CAMSAP2: variants seen among roughly 807,000 people sequenced by gnomAD.
CAMSAP2 encodes the protein calmodulin-regulated spectrin-associated protein 2.
Under a neutral mutation model 146.1 loss-of-function variants are expected in CAMSAP2, and 26 were observed. The observed-to-expected ratio is 0.18, with a 90% CI of 0.13 to 0.25. The LOEUF is 0.25. CAMSAP2 is among the 10% of genes least tolerant of loss of function. CAMSAP2 has a pLI of 1.00. For synonymous variants in CAMSAP2, 499 were observed against 596.6 expected, an observed-to-expected ratio of 0.84 and a Z score of 2.38; for missense variants, 1,381 against 1,759.3, an observed-to-expected ratio of 0.78 and a Z score of 3.85.
At chr1:200,769,107 A>T (rs1665041483) in intron 2 of CAMSAP2, among the ~76,000 whole-genome samples, 1 of 152,194 alleles carries the variant, frequency 6.6e-6, no homozygotes, top group Admixed American at 6.5e-5. Context: ...GGAAGGTGGG[A>T]AAAACTAGCT....
At chr1:200,856,411 G>A (rs1394853523) in intron 15 of CAMSAP2, among the ~76,000 whole-genome samples, 2 of 152,162 alleles carry the variant, frequency 1.3e-5, no homozygotes, top group East Asian at 3.9e-4. Flanking sequence ...CTGAGTAAAG[G>A]CTAGAATCCA....
rs1282955737 is a variant in CAMSAP2 at position 200,844,862 on chromosome 1, C to G, written c.1102C>G (p.Pro368Ala). The change falls in exon 8 of 17, where the codon CCT (proline) becomes GCT (alanine). Residue 368 changes from proline (P) to alanine (A), a missense_variant. Transcript: ENST00000358823. ...RNVLDSSSDFPSSGEGATFTQ... is the reference protein window; with the variant it reads ...RNVLDSSSDFASSGEGATFTQ... ...TGTCTTAGATAGTAGTTCTGACTTC[C>G]CTTCAAGGTAAACTCCACAATGACT... The G allele has an allele frequency of 6.4e-7, 1 of 1,564,730 alleles. No individual in the cohort carries two copies. Among genetic ancestry groups the G allele is most frequent in the Non-Finnish European group, 8.7e-7 (1 of 1,151,218 alleles).
At chr1:200,837,982 A>C (rs912493630) in intron 6 of CAMSAP2, among the ~76,000 whole-genome samples, 1 of 152,164 alleles carries the variant, frequency 6.6e-6, no homozygotes, top group African/African-American at 2.4e-5. Context: ...GGACAAGAGT[A>C]TGTAGCCTTA....
chr1:200,794,288 C>T (rs1478293588), intron 2 of CAMSAP2, among the ~76,000 whole-genome samples: 1 of 152,162 alleles, frequency 6.6e-6, no homozygotes, highest in Non-Finnish European at 1.5e-5. Flanking sequence ...ACTTTATACA[C>T]AGTTTTTTCA....
At chr1:200,821,903 C>A (rs1666775716) in intron 4 of CAMSAP2, among the ~76,000 whole-genome samples, 1 of 152,096 alleles carries the variant, frequency 6.6e-6, no homozygotes, top group Non-Finnish European at 1.5e-5. Context: ...AATTAATAAT[C>A]TTGTGCATTT....
At chr1:200,822,232 T>G (rs1454849655) in intron 4 of CAMSAP2, among the ~76,000 whole-genome samples, 2 of 151,914 alleles carry the variant, frequency 1.3e-5, no homozygotes, top group East Asian at 1.9e-4. Context: ...CCTTTACCCC[T>G]TAATACTTCA....
At chr1:200,768,675 G>T (rs1198468492) in intron 2 of CAMSAP2, among the ~76,000 whole-genome samples, 1 of 152,060 alleles carries the variant, frequency 6.6e-6, no homozygotes, top group African/African-American at 2.4e-5. Flanking sequence ...GTTGTTTTGA[G>T]ATGGAGTCTT....
chr1:200,763,183 C>T (rs989752525), intron 2 of CAMSAP2, among the ~76,000 whole-genome samples: 10 of 152,092 alleles, frequency 6.6e-5, no homozygotes, highest in African/African-American at 1.4e-4. Context: ...TACAGGTGCA[C>T]GGCATGGGCA....
chr1:200,853,142 C>T lies in CAMSAP2; in HGVS notation c.3603-133C>T, dbSNP rs1667666671. On this transcript the variant is annotated intron_variant, in intron 12 of 16. Coordinates refer to ENST00000358823, the MANE Select transcript of CAMSAP2 (RefSeq NM_203459.4). The surrounding 1 kb of genome is among the most constrained non-coding windows in gnomAD (Gnocchi z 5.1). ...CATGTCTCAGCAGAATCGTCAAGTA[C>T]CTTTTAAATGAACCATTTATTCACC... The T allele has an allele frequency of 1.3e-6, 1 of 764,178 alleles. No homozygotes were observed. Among genetic ancestry groups the T allele is most frequent in the East Asian group, 2.5e-5 (1 of 39,264 alleles). 47.3% of individuals were successfully genotyped at this position (764,178 alleles called of 1,614,324 possible).
intron 1 of CAMSAP2, among the ~76,000 whole-genome samples, chr1:200,760,090 G>T (rs1164326107): frequency 3.9e-5 from 6 of 152,102 alleles, no homozygotes; most frequent in Admixed American, 3.9e-4. Flanking sequence ...AAACTTCGGA[G>T]GAGATTTTGG....
chr1:200,773,898 AAAATAAAAT>A (rs1349860994), intron 2 of CAMSAP2, among the ~76,000 whole-genome samples: 1 of 20,026 alleles, frequency 5.0e-5, no homozygotes, highest in Non-Finnish European at 1.0e-4. Context: ...AAAATAAAAT[AAAATAAAAT>A]AAAATAAAAT....
chr1:200,854,097 A>C (rs1196786725), intron 13 of CAMSAP2, among the ~76,000 whole-genome samples: 3 of 152,184 alleles, frequency 2.0e-5, no homozygotes, highest in African/African-American at 7.2e-5. Flanking sequence ...CTCCCACCTC[A>C]GCCTCCTGGG....
At chr1:200,847,407 GTGTTTTTT>G (rs1667487388) in intron 9 of CAMSAP2, 115 bp downstream of exon 9, 2 of 785,130 alleles carry the variant, frequency 2.5e-6, no homozygotes, top group Non-Finnish European at 4.0e-6. Context: ...GTGTGTGTGT[GTGTTTTTT>G]TGTTTGTTTG....
At chr1:200,816,535 A>G (rs1257059850) in intron 4 of CAMSAP2, among the ~76,000 whole-genome samples, 2 of 148,718 alleles carry the variant, frequency 1.3e-5, no homozygotes, top group East Asian at 4.0e-4. Flanking sequence ...CGGAGGTTGC[A>G]GTGAGCCAAG....
intron 4 of CAMSAP2, among the ~76,000 whole-genome samples, chr1:200,821,616 C>T (rs1666768361): frequency 6.6e-6 from 1 of 152,248 alleles, no homozygotes; most frequent in Non-Finnish European, 1.5e-5. Context: ...CCGCCTCGGC[C>T]TCCCAGAGTG....
At position 200,805,042 on chromosome 1, in the gene CAMSAP2, G is replaced by A. The variant is rs548271224; in HGVS notation, c.400-2334G>A. Among the ~76,000 whole-genome samples the A allele has an allele frequency of 2.6e-5, 4 of 152,258 alleles. No individual in the cohort carries two copies. In the South Asian group the frequency reaches 8.3e-4, roughly 32 times the overall value. The stretch of plus-strand genomic sequence containing the variant: ...TAGAGACTTTTGAGGATTATAGAAA[G>A]TGTTTTTTATCTATTGTCTCCAGGC... On this transcript the variant is annotated intron_variant, in intron 2 of 16. Transcript: ENST00000358823.
intron 6 of CAMSAP2, among the ~76,000 whole-genome samples, chr1:200,838,769 G>A (rs1251373852): frequency 1.3e-5 from 2 of 152,198 alleles, no homozygotes; most frequent in African/African-American, 2.4e-5. Context: ...TTCTTAGCAA[G>A]CCAAAGAAAA....
chr1:200,742,199 A>G (rs1200378537), intron 1 of CAMSAP2, among the ~76,000 whole-genome samples: 1 of 152,186 alleles, frequency 6.6e-6, no homozygotes, highest in Non-Finnish European at 1.5e-5. Flanking sequence ...ATTACTCTAT[A>G]CCGTTCTGCA....
rs752706472 is a variant in CAMSAP2, at chr1:200,847,265, C to T, written c.1165C>T (p.Arg389Cys). The change falls in exon 9 of 17, where the codon CGT becomes TGT. Residue 389 changes from arginine (R) to cysteine (C), a missense_variant. Arg to Cys is a radical substitution (Grantham distance 180). Coordinates refer to ENST00000358823, the MANE Select transcript of CAMSAP2 (RefSeq NM_203459.4). Reference sequence around the variant, plus strand: ...TCATCATTTGCCTTCTAGGTATTCACGTCCCCAGGCTCATTCTTCAGCCTC... The same window carrying T: ...TCATCATTTGCCTTCTAGGTATTCATGTCCCCAGGCTCATTCTTCAGCCTC... The part of the protein sequence containing the change: ...SHHHLPSRYS[R>C]PQAHSSASGG... The T allele has an allele frequency of 1.2e-5, 20 of 1,611,598 alleles. No individual in the cohort carries two copies. The highest frequency in any genetic ancestry group is 5.0e-5 in the Admixed American group (3 of 59,848).
Sources: gnomAD v4.1 joint callset for allele counts (sites outside exome capture counted in the v4.1 genomes callset) on GRCh38, gnomAD v4.1.1 for gene constraint, Gnocchi (gnomAD v3.1) non-coding constraint, MANE v1.5 for transcripts, NCBI Gene and HGNC (gene_info 2026-07-23, HGNC 2026-07-21) for gene names.